The following SMCHD1 variants were observed in gnomAD, a reference collection of about 807,000 sequenced individuals.
SMCHD1 encodes the protein structural maintenance of chromosomes flexible hinge domain containing 1.
A neutral mutation model predicts 254.7 loss-of-function variants in SMCHD1; 78 were observed. The ratio of observed to expected loss-of-function variants is 0.31; its 90% confidence interval spans 0.26 to 0.37. The LOEUF (loss-of-function observed/expected upper bound fraction) is 0.37. Ranked by LOEUF, SMCHD1 falls within the 10% of genes least tolerant of loss-of-function variation. The probability of loss-of-function intolerance (pLI) is 1.00; values close to 1 mark genes in which losing one functional copy is unlikely to be tolerated. For synonymous variants in SMCHD1, 766 were observed against 794.9 expected, an observed-to-expected ratio of 0.96 and a Z score of 0.61; for missense variants, 1,840 against 2,408.1, an observed-to-expected ratio of 0.76 and a Z score of 4.94.
chr18:2,784,744 G>A (rs1303057589), intron 45 of SMCHD1, 123 bp downstream of exon 45: 2 of 1,141,832 alleles, frequency 1.8e-6, no homozygotes, highest in African/African-American at 1.6e-5. Flanking sequence ...ACAAATGTAA[G>A]TAAGATGTTT....
At chr18:2,702,351 TAA>T (rs1458142817) in intron 12 of SMCHD1, 4 of 147,714 alleles carry the variant, frequency 2.7e-5, no homozygotes, top group African/African-American at 9.8e-5. Flanking sequence ...AAGAATATTA[TAA>T]AGTGAATATC....
chr18:2,743,763 A>G lies in SMCHD1; in HGVS notation c.3636A>G (p.Glu1212=), dbSNP rs372008124. ...DSSNLKTTFQ[E]NTQSISVRGI... is the part of the protein sequence containing the mutation. ...CTCAATGTACTTTTCCTCACTAGGA[A>G]AACACACAGAGTATAAGTGTAAGAG... is the stretch of plus-strand genomic sequence containing the variant. The change falls in exon 29 of 48, where the codon GAA becomes GAG. Residue 1212 remains glutamate, a splice_region_variant and synonymous_variant. Transcript: ENST00000320876. 135 of 1,593,328 alleles carry G rather than the reference A, an allele frequency of 8.5e-5. No individual in the cohort carries two copies. In the African/African-American group the frequency reaches 1.6e-3, roughly 19 times the overall value.
intron 10 of SMCHD1, among the ~76,000 whole-genome samples, chr18:2,700,095 C>T (rs1381811759): frequency 1.3e-5 from 2 of 152,184 alleles, no homozygotes. Flanking sequence ...GCATCATTCA[C>T]TAATTTGTTC....
intron 37 of SMCHD1, among the ~76,000 whole-genome samples, chr18:2,767,584 CTTTTTTTTTT>C (rs397858216): frequency 2.2e-5 from 2 of 89,248 alleles, no homozygotes; most frequent in African/African-American, 9.2e-5. Context: ...AACCTATTTC[CTTTTTTTTTT>C]TTTTTTTTTT....
intron 12 of SMCHD1, 65 bp from the exon 13 acceptor site, chr18:2,703,627 A>G: frequency 7.5e-7 from 1 of 1,326,976 alleles, no homozygotes; most frequent in Non-Finnish European, 1.0e-6. Context: ...AATGAATGAC[A>G]AATGTTTATG....
chr18:2,656,444 C>G (rs1360016245), intron 1 of SMCHD1, among the ~76,000 whole-genome samples, 183 bp downstream of exon 1: 1 of 152,232 alleles, frequency 6.6e-6, no homozygotes, highest in Non-Finnish European at 1.5e-5. Context: ...CGGGCGGGCC[C>G]TGGCCCGGGC....
chr18:2,761,978 A>C, intron 35 of SMCHD1, 127 bp from the exon 36 acceptor site: 1 of 755,174 alleles, frequency 1.3e-6, no homozygotes, highest in Non-Finnish European at 2.0e-6. Flanking sequence ...TAAAAGATTA[A>C]TGGAAATAAA....
intron 17 of SMCHD1, among the ~76,000 whole-genome samples, chr18:2,709,235 T>A (rs1234407120): frequency 1.1e-5 from 1 of 90,758 alleles, no homozygotes; most frequent in African/African-American, 3.9e-5. Flanking sequence ...TATATGTGTA[T>A]ATATATATAT....
chr18:2,659,654 A>G (rs1387830230), intron 1 of SMCHD1, among the ~76,000 whole-genome samples: 1 of 151,794 alleles, frequency 6.6e-6, no homozygotes, highest in African/African-American at 2.4e-5. Flanking sequence ...GAAATTGTCT[A>G]CATTTTCCTT....
intron 44 of SMCHD1, among the ~76,000 whole-genome samples, chr18:2,780,238 TAAAAAAAA>T (rs56804553): frequency 3.6e-4 from 25 of 69,356 alleles, no homozygotes; most frequent in Non-Finnish European, 5.2e-4. Flanking sequence ...AGACTCTATC[TAAAAAAAA>T]AAAAAAAAAA....
intron 25 of SMCHD1, among the ~76,000 whole-genome samples, chr18:2,738,127 A>G (rs2075283792): frequency 6.6e-6 from 1 of 152,230 alleles, no homozygotes; most frequent in Non-Finnish European, 1.5e-5. Context: ...TAATGGCCAC[A>G]GTGATACTTT....
In SMCHD1 at chr18:2,688,151, A is replaced by G. The variant is rs144101598; in HGVS notation, c.639-243A>G. On this transcript the variant is annotated intron_variant, in intron 5 of 47. Transcript: ENST00000320876. ...TGTTTGCTGAGAGATTTTCTGATTT[A>G]GTAGGATTGAGCCCAAGAGTTTGCA... Among the ~76,000 whole-genome samples, 34 of 152,346 alleles carry G rather than the reference A, an allele frequency of 2.2e-4. No individual in the cohort carries two copies. The East Asian group carries it at 6.4e-3, about 28-fold the overall frequency.
intron 13 of SMCHD1, among the ~76,000 whole-genome samples, chr18:2,704,915 G>C (rs2074481272): frequency 6.6e-6 from 1 of 152,146 alleles, no homozygotes; most frequent in Non-Finnish European, 1.5e-5. Context: ...GCTGGCAGAG[G>C]AGACTGACAG....
At chr18:2,790,776 A>C (rs1252648868) in intron 45 of SMCHD1, among the ~76,000 whole-genome samples, 1 of 152,184 alleles carries the variant, frequency 6.6e-6, no homozygotes, top group African/African-American at 2.4e-5. Context: ...ACAAAATACC[A>C]CAGTACAGGT....
chr18:2,701,702 T>A (rs1412877102), intron 12 of SMCHD1, among the ~76,000 whole-genome samples: 1 of 152,228 alleles, frequency 6.6e-6, no homozygotes, highest in Non-Finnish European at 1.5e-5. Flanking sequence ...AAGAATGATT[T>A]CACTTTGAAA....
intron 3 of SMCHD1, among the ~76,000 whole-genome samples, chr18:2,672,524 C>T (rs368276774): frequency 1.9e-4 from 29 of 152,242 alleles, no homozygotes; most frequent in African/African-American, 3.6e-4. Flanking sequence ...CCACATCCAG[C>T]GTGAAATGCT....
chr18:2,678,026 A>G (rs1322568962), intron 5 of SMCHD1, among the ~76,000 whole-genome samples: 1 of 152,210 alleles, frequency 6.6e-6, no homozygotes, highest in East Asian at 1.9e-4. Flanking sequence ...TCTGTAGTAT[A>G]CAAAAACCGC....
chr18:2,703,374 TCTC>T (rs1163317477), intron 12 of SMCHD1, among the ~76,000 whole-genome samples: 3 of 152,152 alleles, frequency 2.0e-5, no homozygotes, highest in African/African-American at 7.2e-5. Context: ...GCTAGCTAGT[TCTC>T]CTCCCAGGCA....
chr18:2,781,267 C>T (rs1324150668), intron 44 of SMCHD1, among the ~76,000 whole-genome samples: 1 of 152,194 alleles, frequency 6.6e-6, no homozygotes, highest in Admixed American at 6.5e-5. Flanking sequence ...TGAACTTTGG[C>T]ACTAAGCGGA....
Sources: gnomAD v4.1 joint callset for allele counts (sites outside exome capture counted in the v4.1 genomes callset) on GRCh38, gnomAD v4.1.1 for gene constraint, MANE v1.5 for transcripts, NCBI Gene and HGNC (gene_info 2026-07-23, HGNC 2026-07-21) for gene names.